Variants in IFT80 observed in about 807,000 individuals in gnomAD.
The protein encoded by IFT80 is intraflagellar transport 80, also known as intraflagellar transport protein 80 homolog.
IFT80 carries 79 observed loss-of-function variants against 107.9 expected under a neutral mutation model. The observed-to-expected ratio is 0.73, with a 90% CI of 0.61 to 0.88. IFT80 has a LOEUF of 0.88. Ranked by LOEUF, IFT80 falls within the 40% of genes least tolerant of loss-of-function variation. The pLI is 0.00. For synonymous variants in IFT80, 299 were observed against 300.9 expected (o/e 0.99, Z 0.07); for missense variants, 797 against 914.2 (o/e 0.87, Z 1.65).
At chr3:160,372,743 A>T (rs1188477904) in intron 5 of IFT80, among the ~76,000 whole-genome samples, 1 of 152,236 alleles carries the variant, frequency 6.6e-6, no homozygotes, top group Non-Finnish European at 1.5e-5. Context: ...AATGATAGTC[A>T]TTTCAAAGTC....
At chr3:160,279,156 A>AAT in intron 16 of IFT80, 37 bp downstream of exon 16, 2 of 1,552,618 alleles carry the variant, frequency 1.3e-6, no homozygotes, top group Non-Finnish European at 1.8e-6. Context: ...ACTACTATGA[A>AAT]ATATATATAC....
intron 12 of IFT80, among the ~76,000 whole-genome samples, chr3:160,298,317 T>C (rs1456523373): frequency 1.3e-5 from 2 of 152,136 alleles, no homozygotes; most frequent in African/African-American, 4.8e-5. Context: ...TAAATGCTAA[T>C]TTTTTTAAAA....
chr3:160,332,603 A>G (rs1366079905), intron 8 of IFT80, among the ~76,000 whole-genome samples: 4 of 152,230 alleles, frequency 2.6e-5, no homozygotes, highest in African/African-American at 9.6e-5. Context: ...AGGTGGGTCA[A>G]AAGTCAGGGG....
At chr3:160,306,706 A>C (rs943704184) in intron 10 of IFT80, among the ~76,000 whole-genome samples, 11 of 152,216 alleles carry the variant, frequency 7.2e-5, no homozygotes, top group African/African-American at 2.4e-4. Context: ...GATTAGTAGC[A>C]GGTTTACACA....
At chr3:160,352,352 T>A (rs1480766651) in intron 8 of IFT80, among the ~76,000 whole-genome samples, 1 of 152,200 alleles carries the variant, frequency 6.6e-6, no homozygotes, top group Non-Finnish European at 1.5e-5. Flanking sequence ...ATAAATTACC[T>A]GAGATTTTTA....
At chr3:160,278,874 G>A (rs1714474448) in intron 16 of IFT80, among the ~76,000 whole-genome samples, 1 of 152,120 alleles carries the variant, frequency 6.6e-6, no homozygotes, top group Non-Finnish European at 1.5e-5. Context: ...TAAAAAATAT[G>A]CCCAGGACTC....
intron 19 of IFT80, among the ~76,000 whole-genome samples, chr3:160,259,184 T>C (rs1712607461): frequency 6.6e-6 from 1 of 152,110 alleles, no homozygotes; most frequent in South Asian, 2.1e-4. Flanking sequence ...AAGAATTATA[T>C]AATAAAAAGC....
chr3:160,339,941 G>A (rs1338396176), intron 8 of IFT80, among the ~76,000 whole-genome samples: 1 of 152,178 alleles, frequency 6.6e-6, no homozygotes, highest in African/African-American at 2.4e-5. Flanking sequence ...GTTTTTAGCT[G>A]TGGGCAAATA....
chr3:160,355,856 T>G (rs1164102931), intron 8 of IFT80, among the ~76,000 whole-genome samples, 157 bp downstream of exon 8: 1 of 152,232 alleles, frequency 6.6e-6, no homozygotes, highest in African/African-American at 2.4e-5. Context: ...GTCCCATATA[T>G]CTGGAATTGA....
intron 8 of IFT80, among the ~76,000 whole-genome samples, chr3:160,355,349 A>C (rs1217489058): frequency 1.3e-5 from 2 of 152,194 alleles, no homozygotes; most frequent in Non-Finnish European, 2.9e-5. Flanking sequence ...CCTGGGCTCC[A>C]GTGAGCCTCC....
chr3:160,394,000 T>C (rs1713576959), intron 1 of IFT80, among the ~76,000 whole-genome samples: 1 of 152,192 alleles, frequency 6.6e-6, no homozygotes, highest in African/African-American at 2.4e-5. Flanking sequence ...TCCCCTAAAT[T>C]GATAGCTCTG....
At chr3:160,258,958 A>T (rs1189596753) in intron 19 of IFT80, among the ~76,000 whole-genome samples, 1 of 152,098 alleles carries the variant, frequency 6.6e-6, no homozygotes, top group Non-Finnish European at 1.5e-5. Context: ...AAATAAAAAA[A>T]GTAGCTGGGT....
chr3:160,311,721 C>T (rs1291171252), intron 9 of IFT80, among the ~76,000 whole-genome samples: 1 of 152,172 alleles, frequency 6.6e-6, no homozygotes, highest in African/African-American at 2.4e-5. Flanking sequence ...CAAAGAAAAA[C>T]ACCTCTACTT....
chr3:160,278,035 G>A (rs1044655136), intron 16 of IFT80, among the ~76,000 whole-genome samples: 1 of 152,178 alleles, frequency 6.6e-6, no homozygotes, highest in Non-Finnish European at 1.5e-5. Flanking sequence ...ATGGTAGATT[G>A]CTACTGATAT....
In IFT80 at chr3:160,277,370, G is replaced by T. The variant is rs769719730; in HGVS notation, c.2035C>A (p.Leu679Ile). 6.2e-7 allele frequency: 1 copy of T among 1,613,596 alleles called. No individual in the cohort carries two copies. The highest frequency in any genetic ancestry group is 8.5e-7 in the Non-Finnish European group (1 of 1,179,760). Residue 679 changes from leucine to isoleucine, a missense_variant, in exon 18 of 20, where the codon CTT (leucine) becomes ATT (isoleucine). Transcript: ENST00000326448. ...SGNIQEAEIV[L>I]LQAGLVYQAI... is the part of the protein sequence containing the mutation. ...TGATAAACAAGGCCAGCCTGAAGAA[G>T]TACTATTTCAGCCTCCTGTATGTTC...
chr3:160,302,513 C>G (rs973482655), intron 11 of IFT80, among the ~76,000 whole-genome samples: 1 of 151,886 alleles, frequency 6.6e-6, no homozygotes, highest in Non-Finnish European at 1.5e-5. Flanking sequence ...GAGTAAACAC[C>G]CTGTTTGAAG....
chr3:160,387,743 A>G (rs544418382), intron 1 of IFT80, among the ~76,000 whole-genome samples: 1 of 152,310 alleles, frequency 6.6e-6, no homozygotes, highest in African/African-American at 2.4e-5. Flanking sequence ...GGAGTTGCAG[A>G]TATCAATTAG....
intron 1 of IFT80, among the ~76,000 whole-genome samples, chr3:160,389,600 G>A (rs1385505003): frequency 2.0e-5 from 3 of 149,928 alleles, no homozygotes; most frequent in South Asian, 2.1e-4. Context: ...TTGTTCTTCC[G>A]ATAGTTTACT....
chr3:160,328,065 C>A (rs1054675271), intron 8 of IFT80, among the ~76,000 whole-genome samples: 1 of 152,026 alleles, frequency 6.6e-6, no homozygotes, highest in Admixed American at 6.6e-5. Flanking sequence ...ACATATATGG[C>A]CAACAGTCAT....
Sources: gnomAD v4.1 joint callset for allele counts (sites outside exome capture counted in the v4.1 genomes callset) on GRCh38, gnomAD v4.1.1 for gene constraint, MANE v1.5 for transcripts, NCBI Gene and HGNC (gene_info 2026-07-23, HGNC 2026-07-21) for gene names.